GPC5: variants seen among roughly 807,000 people sequenced by gnomAD.
GPC5 encodes the protein glypican-5.
Under a neutral mutation model 53.9 loss-of-function variants are expected in GPC5, and 47 were observed. That is an observed-to-expected ratio of 0.87 (90% CI 0.69 to 1.11). GPC5 has a LOEUF of 1.11. GPC5 is among the 50% of genes most tolerant of loss of function. GPC5 has a pLI of 0.00. For synonymous variants in GPC5, 286 were observed against 263.3 expected (o/e 1.09, Z -0.84); for missense variants, 748 against 713.1 (o/e 1.05, Z -0.56).
intron 7 of GPC5, among the ~76,000 whole-genome samples, chr13:92,188,569 TA>T (rs2042200537): frequency 6.6e-6 from 1 of 152,190 alleles, no homozygotes; most frequent in African/African-American, 2.4e-5. Flanking sequence ...TAAGACCAGA[TA>T]AAAATACCTA....
At chr13:92,491,466 C>T (rs1258984612) in intron 7 of GPC5, among the ~76,000 whole-genome samples, 1 of 152,008 alleles carries the variant, frequency 6.6e-6, no homozygotes, top group South Asian at 2.1e-4. Flanking sequence ...TGTTTTGATG[C>T]TATAGAAACA....
intron 5 of GPC5, among the ~76,000 whole-genome samples, chr13:91,805,395 T>C (rs547453556): frequency 6.6e-6 from 1 of 152,340 alleles, no homozygotes; most frequent in South Asian, 2.1e-4. Context: ...GAAAATATAA[T>C]ATTTTATCTT....
chr13:92,731,768 A>G (rs1394540763), intron 7 of GPC5, among the ~76,000 whole-genome samples: 1 of 151,532 alleles, frequency 6.6e-6, no homozygotes, highest in African/African-American at 2.4e-5. Flanking sequence ...AATAGATCTC[A>G]TCTCAAGCTA....
At chr13:92,279,708 AT>A (rs2042900524) in intron 7 of GPC5, among the ~76,000 whole-genome samples, 2 of 152,026 alleles carry the variant, frequency 1.3e-5, no homozygotes, top group African/African-American at 4.8e-5. Flanking sequence ...CTAAAAATAC[AT>A]TGTGTTACAT....
intron 4 of GPC5, among the ~76,000 whole-genome samples, chr13:91,746,355 T>C (rs1566655974): frequency 1.3e-5 from 2 of 152,162 alleles, no homozygotes; most frequent in Admixed American, 6.5e-5. Context: ...AAAATCAATA[T>C]ATGTCATTAA....
At chr13:91,415,612 G>T (rs1203751610) in intron 1 of GPC5, among the ~76,000 whole-genome samples, 2 of 151,970 alleles carry the variant, frequency 1.3e-5, no homozygotes, top group Non-Finnish European at 2.9e-5. Context: ...ATTCTTGTCT[G>T]ACCAATCTGA....
intron 7 of GPC5, among the ~76,000 whole-genome samples, chr13:92,392,022 C>T (rs763872507): frequency 1.8e-4 from 27 of 152,026 alleles, no homozygotes; most frequent in Non-Finnish European, 2.8e-4. Flanking sequence ...CTTTTGCCTG[C>T]GAGAGAGCAG....
intron 7 of GPC5, among the ~76,000 whole-genome samples, chr13:92,342,460 C>A (rs2043375265): frequency 6.6e-6 from 1 of 151,964 alleles, no homozygotes; most frequent in Non-Finnish European, 1.5e-5. Flanking sequence ...GAGTCCTCCG[C>A]CCTCATGAAT....
chr13:91,827,693 C>CTT (rs2038595256), intron 5 of GPC5, among the ~76,000 whole-genome samples: 1 of 152,032 alleles, frequency 6.6e-6, no homozygotes, highest in Non-Finnish European at 1.5e-5. Flanking sequence ...AAATTAAAGA[C>CTT]TTAAACTGTT....
intron 5 of GPC5, among the ~76,000 whole-genome samples, chr13:91,777,859 A>G (rs1047879565): frequency 6.6e-6 from 1 of 152,140 alleles, no homozygotes; most frequent in African/African-American, 2.4e-5. Context: ...TGGTCAGATG[A>G]CTTCCTCTTC....
At chr13:92,482,535 T>C (rs1170374902) in intron 7 of GPC5, among the ~76,000 whole-genome samples, 1 of 152,244 alleles carries the variant, frequency 6.6e-6, no homozygotes, top group Non-Finnish European at 1.5e-5. Flanking sequence ...AAAGATTCTT[T>C]AACACCATTC....
intron 7 of GPC5, among the ~76,000 whole-genome samples, chr13:92,608,842 ATTCTTTTC>A (rs1295922526): frequency 5.3e-5 from 8 of 152,022 alleles, no homozygotes; most frequent in African/African-American, 1.2e-4. Flanking sequence ...TATTTTTTCC[ATTCTTTTC>A]TGTGCTCCAA....
At position 91,774,076 on chromosome 13, in the gene GPC5, T is replaced by C. The variant is rs1300641873; in HGVS notation, c.1280+17656T>C. On this transcript the variant is annotated intron_variant, in intron 5 of 7. Transcript: ENST00000377067. ...TTTTGTAACAGCCAGGATTACAAAC[T>C]GTTCAGCTTCCTGAAGATTTCACCA... Among the ~76,000 whole-genome samples the C allele has an allele frequency of 4.6e-5, 7 of 152,222 alleles. No homozygotes were observed. In the East Asian group the frequency reaches 7.7e-4, roughly 17 times the overall value.
At chr13:92,178,197 A>G (rs9301783) in intron 7 of GPC5, among the ~76,000 whole-genome samples, 21,863 of 152,080 alleles carry the variant, frequency 0.14, 4,720 homozygotes, top group African/African-American at 0.47. Flanking sequence ...CAGCAGGCGC[A>G]TCAGAACAGA....
chr13:92,292,214 C>T (rs1331787170), intron 7 of GPC5, among the ~76,000 whole-genome samples: 2 of 152,150 alleles, frequency 1.3e-5, no homozygotes, highest in Non-Finnish European at 2.9e-5. Context: ...AGTGGGATTG[C>T]TGGATCAAAT....
At chr13:91,702,403 A>G (rs2036012557) in intron 3 of GPC5, among the ~76,000 whole-genome samples, 1 of 152,040 alleles carries the variant, frequency 6.6e-6, no homozygotes, top group African/African-American at 2.4e-5. Context: ...TATGTTTTCT[A>G]CTAGTACTTT....
intron 2 of GPC5, among the ~76,000 whole-genome samples, chr13:91,592,303 T>C (rs1331875181): frequency 6.6e-6 from 1 of 152,204 alleles, no homozygotes; most frequent in East Asian, 1.9e-4. Flanking sequence ...GGCTTCTCTG[T>C]AATTCCTTGT....
intron 6 of GPC5, among the ~76,000 whole-genome samples, chr13:92,050,142 T>C (rs1418846793): frequency 6.6e-6 from 1 of 152,214 alleles, no homozygotes; most frequent in African/African-American, 2.4e-5. Flanking sequence ...CATATGTTCA[T>C]ATTTACAATC....
At chr13:91,802,710 C>T (rs1594578140) in intron 5 of GPC5, among the ~76,000 whole-genome samples, 2 of 152,038 alleles carry the variant, frequency 1.3e-5, no homozygotes, top group South Asian at 4.2e-4. Flanking sequence ...ACCCGGAAGC[C>T]CAGCCAGCTT....
Sources: gnomAD v4.1 joint callset for allele counts (sites outside exome capture counted in the v4.1 genomes callset) on GRCh38, gnomAD v4.1.1 for gene constraint, MANE v1.5 for transcripts, NCBI Gene and HGNC (gene_info 2026-07-23, HGNC 2026-07-21) for gene names.